The following CTBP2 variants were observed in gnomAD, a reference collection of about 807,000 sequenced individuals.
CTBP2 encodes the protein C-terminal-binding protein 2.
Under a neutral mutation model 80.3 loss-of-function variants are expected in CTBP2, and 30 were observed. The observed-to-expected ratio is 0.37, with a 90% confidence interval of 0.28 to 0.51. CTBP2 has a LOEUF of 0.51. CTBP2 is among the 20% of genes least tolerant of loss of function. CTBP2 has a pLI of 0.93. For missense variants in CTBP2, 1,212 were observed against 1,375.3 expected (o/e 0.88, Z 1.88); for synonymous variants, 594 against 587.4 (o/e 1.01, Z -0.16).
intron 2 of CTBP2, among the ~76,000 whole-genome samples, chr10:125,045,185 G>A (rs531802000): frequency 6.6e-6 from 1 of 152,032 alleles, no homozygotes. Flanking sequence ...TGCCCCACGC[G>A]AGGATACAGC....
intron 2 of CTBP2, among the ~76,000 whole-genome samples, chr10:125,047,515 A>G (rs1961570266): frequency 6.6e-6 from 1 of 152,192 alleles, no homozygotes. Flanking sequence ...TGCTGTGTCC[A>G]GCATGGTGTA....
chr10:125,023,427 T>C (rs1428237650), intron 1 of CTBP2, among the ~76,000 whole-genome samples: 1 of 152,200 alleles, frequency 6.6e-6, no homozygotes, highest in Non-Finnish European at 1.5e-5. Flanking sequence ...CCCTGCTGCA[T>C]CTGGTGCAGG....
At chr10:125,114,401 G>A (rs1408201917) in intron 1 of CTBP2, among the ~76,000 whole-genome samples, 3 of 151,680 alleles carry the variant, frequency 2.0e-5, no homozygotes, top group African/African-American at 7.2e-5. Context: ...GAGAACCGCA[G>A]CACCCAGAGA....
intron 2 of CTBP2, among the ~76,000 whole-genome samples, chr10:125,039,423 T>A (rs1360749838): frequency 6.6e-6 from 1 of 152,228 alleles, no homozygotes; most frequent in Non-Finnish European, 1.5e-5. Context: ...ACAGATCTCT[T>A]GCTTTTAACT....
chr10:125,036,977 T>C (rs189806671), intron 3 of CTBP2, among the ~76,000 whole-genome samples: 40 of 152,074 alleles, frequency 2.6e-4, no homozygotes, highest in Non-Finnish European at 5.0e-4. Context: ...GAGTACTTAA[T>C]GAGATGCCTA....
intron 2 of CTBP2, among the ~76,000 whole-genome samples, chr10:125,051,716 T>C (rs1338584374): frequency 6.6e-6 from 1 of 151,694 alleles, no homozygotes; most frequent in Non-Finnish European, 1.5e-5. Flanking sequence ...ACACTGACTG[T>C]TACAGGTTGA....
At position 125,140,032 on chromosome 10, in the gene CTBP2, C is replaced by T. The variant is rs186329697; in HGVS notation, c.-206+20287G>A. 1.2e-3 allele frequency among the ~76,000 whole-genome samples: 185 copies of T among 152,242 alleles called. No homozygotes were observed. The Middle Eastern group carries it at 0.014, about 11-fold the overall frequency. On this transcript the variant is annotated intron_variant, in intron 1 of 10. Coordinates refer to the CTBP2 transcript ENST00000337195. ...TGTCCCTGAACCCTTAATAAAGACA[C>T]GATGGGGTGTCCACCCACCTTTCAG...
At chr10:125,040,454 T>TATAAA (rs1959335018) in intron 2 of CTBP2, among the ~76,000 whole-genome samples, 1 of 104,450 alleles carries the variant, frequency 9.6e-6, no homozygotes, top group African/African-American at 4.0e-5. Context: ...ACTCTGTCTT[T>TATAAA]AAAAAAAAAA....
At chr10:125,068,264 A>C (rs754267358) in intron 2 of CTBP2, among the ~76,000 whole-genome samples, 2 of 152,228 alleles carry the variant, frequency 1.3e-5, no homozygotes, top group Admixed American at 6.5e-5. Flanking sequence ...TGCTAGGCAC[A>C]GGGTGAACAC....
rs546193481 is a variant in CTBP2 at position 124,984,552 on chromosome 10, T to C, written c.*4966A>G. ...AATTACCCTCTAGTGTGCTCCTCTTTAGTTTTTTTCTGAGAAATTTCCCAT... is the reference window on the plus strand; with the variant it reads ...AATTACCCTCTAGTGTGCTCCTCTTCAGTTTTTTTCTGAGAAATTTCCCAT... On this transcript the variant is annotated 3_prime_UTR_variant, in exon 9 of 9. Transcript: ENST00000309035. 1.9e-6 allele frequency: 1 copy of C among 534,608 alleles called. No homozygotes were observed. Among genetic ancestry groups the C allele is most frequent in the South Asian group, 2.9e-5 (1 of 34,138 alleles). 33.1% of individuals were successfully genotyped at this position (534,608 alleles called of 1,614,324 possible). A position where few individuals can be genotyped will look rare whatever the true frequency, so the allele number is the denominator to read the frequency against.
At chr10:125,104,186 A>G (rs1851090814) in intron 2 of CTBP2, among the ~76,000 whole-genome samples, 1 of 152,158 alleles carries the variant, frequency 6.6e-6, no homozygotes, top group Admixed American at 6.5e-5. Context: ...GGGACATTCG[A>G]TCCCAGCGGC....
In CTBP2 at chr10:124,993,124, G is replaced by A. The variant is rs1360053463; in HGVS notation, c.2659+78C>T. ...GAATTCTACCTGTCGAGAGCTGCCT[G>A]TAGCCAGCAGGACAGGAGCCGGCTG... On this transcript the variant is annotated intron_variant, in intron 7 of 8. Coordinates refer to ENST00000309035, the MANE Select transcript of CTBP2 (RefSeq NM_022802.3). The A allele has an allele frequency of 1.3e-5, 19 of 1,517,482 alleles. No individual in the cohort carries two copies. The Admixed American group carries it at 1.3e-4, about 10-fold the overall frequency. The allele number at this position is 1,517,482 out of a possible 1,614,324, so 94.0% of individuals were successfully genotyped here. A position where few individuals can be genotyped will look rare whatever the true frequency, so the allele number is the denominator to read the frequency against.
chr10:125,038,877 T>C lies in CTBP2; in HGVS notation c.58+120A>G, dbSNP rs1037814535. On this transcript the variant is annotated intron_variant, in intron 3 of 10. Transcript: ENST00000337195. ...CAGAGGGTGCCAATGGTATGCAGTG[T>C]TGGAATCGGAGGAGGGACTCTGGCT... 5 of 980,840 alleles carry C rather than the reference T, an allele frequency of 5.1e-6. No homozygotes were observed. In the Admixed American group the frequency reaches 8.5e-5, roughly 17 times the overall value. 60.8% of individuals were successfully genotyped at this position (980,840 alleles called of 1,614,324 possible). A position where few individuals can be genotyped will look rare whatever the true frequency, so the allele number is the denominator to read the frequency against.
intron 2 of CTBP2, among the ~76,000 whole-genome samples, chr10:125,049,046 G>GACAGACACACACACACAC: frequency 1.1e-5 from 1 of 89,662 alleles, no homozygotes; most frequent in East Asian, 3.7e-4. Context: ...CCTGACCACA[G>GACAGACACACACACACAC]ACACACACAC....
chr10:125,082,848 T>C (rs999833358), intron 2 of CTBP2, among the ~76,000 whole-genome samples: 1 of 152,202 alleles, frequency 6.6e-6, no homozygotes, highest in African/African-American at 2.4e-5. Context: ...CTCGGCCTCC[T>C]GAAGTGCTGG....
chr10:124,991,893 T>TGGGCG (rs1952675479), intron 8 of CTBP2, among the ~76,000 whole-genome samples: 1 of 60,440 alleles, frequency 1.7e-5, no homozygotes, highest in Admixed American at 1.8e-4. Context: ...CCAGCAATAA[T>TGGGCG]GGGGGGGGGG....
Position 125,146,867 on chromosome 10 carries a change from CTCAG to C in CTBP2, c.-206+13448_-206+13451del, listed in dbSNP as rs559920932. Among the ~76,000 whole-genome samples the C allele has an allele frequency of 3.0e-3, 459 of 152,276 alleles. 1 individual carries two copies. Among genetic ancestry groups the C allele is most frequent in the African/African-American group, 0.01 (432 of 41,560 alleles). On this transcript the variant is annotated intron_variant, in intron 1 of 10. Coordinates refer to the CTBP2 transcript ENST00000337195. ...TACTGTGCCTGGCCCCTAGTGGGTG[CTCAG>C]TCAGTATCTGTGAATGAATATCCTA...
At position 125,136,391 on chromosome 10, in the gene CTBP2, G is replaced by A. The variant is rs573131574; in HGVS notation, c.-206+23928C>T. Among the ~76,000 whole-genome samples the A allele has an allele frequency of 1.1e-4, 16 of 152,342 alleles. No individual in the cohort carries two copies. The South Asian group carries it at 2.9e-3, about 28-fold the overall frequency. ...CGCCTGCCCAGTGTTCTCTGGTTGG[G>A]TGGTCAGCTCCTTGCAGGCAGGAGC... On this transcript the variant is annotated intron_variant, in intron 1 of 10. Transcript: ENST00000337195.
chr10:125,040,594 C>G (rs1432107225), intron 2 of CTBP2, among the ~76,000 whole-genome samples: 1 of 92,750 alleles, frequency 1.1e-5, no homozygotes, highest in African/African-American at 5.9e-5. Flanking sequence ...ACCACCACAA[C>G]CACATACACA....
Sources: allele counts gnomAD v4.1 joint callset (sites outside exome capture counted in the v4.1 genomes callset), GRCh38; gene constraint gnomAD v4.1.1; transcripts MANE v1.5; gene names NCBI Gene and HGNC (gene_info 2026-07-23, HGNC 2026-07-21).